Variants in MED27 observed in about 807,000 individuals in gnomAD.
MED27 encodes the protein mediator of RNA polymerase II transcription subunit 27.
A neutral mutation model predicts 38.2 loss-of-function variants in MED27; 30 were observed. That is an observed-to-expected ratio of 0.79 (90% CI 0.59 to 1.07). MED27 has a LOEUF of 1.07. Among genes scored for constraint, MED27 ranks in the 50% least tolerant of loss-of-function variants. MED27 has a pLI of 0.00. For missense variants in MED27, 289 were observed against 397.5 expected (o/e 0.73, Z 2.32); for synonymous variants, 122 against 153.5 (o/e 0.79, Z 1.52).
At chr9:132,022,492 AC>A (rs1832738034) in intron 2 of MED27, among the ~76,000 whole-genome samples, 1 of 152,222 alleles carries the variant, frequency 6.6e-6, no homozygotes, top group Non-Finnish European at 1.5e-5. Context: ...AGGTCCTAAC[AC>A]TGAAATCCTG....
chr9:131,933,795 A>G lies in MED27; in HGVS notation c.573+5586T>C, dbSNP rs1333985174. On this transcript the variant is annotated intron_variant, in intron 4 of 7. Transcript: ENST00000292035. ...TAGAAAAAAAAATCCTAAAATTTAT[A>G]TGGAACCACAAAAGATCCAGAATAG... Among the ~76,000 whole-genome samples the G allele has an allele frequency of 3.9e-5, 6 of 152,200 alleles. No homozygotes were observed. The East Asian group carries it at 1.2e-3, about 29-fold the overall frequency.
chr9:131,896,197 G>A (rs1321228350), intron 4 of MED27, among the ~76,000 whole-genome samples: 7 of 152,116 alleles, frequency 4.6e-5, no homozygotes, highest in East Asian at 3.9e-4. Context: ...CACCACGCCC[G>A]GCCAAGTTAT....
intron 3 of MED27, among the ~76,000 whole-genome samples, chr9:131,942,072 A>G (rs1043316501): frequency 6.6e-6 from 1 of 151,944 alleles, no homozygotes; most frequent in Non-Finnish European, 1.5e-5. Context: ...TGATCTGCCC[A>G]CCTTGGCTTC....
intron 2 of MED27, among the ~76,000 whole-genome samples, chr9:132,027,787 A>G (rs930467469): frequency 4.6e-5 from 7 of 152,234 alleles, no homozygotes; most frequent in Non-Finnish European, 4.4e-5. Flanking sequence ...ACCCTGCTGG[A>G]GAAATTAATG....
chr9:132,026,313 T>G (rs1832817526), intron 2 of MED27, among the ~76,000 whole-genome samples: 1 of 152,186 alleles, frequency 6.6e-6, no homozygotes, highest in Non-Finnish European at 1.5e-5. Flanking sequence ...CATGTGTCCT[T>G]TTGGTCCTCA....
chr9:131,886,881 G>T (rs546841558), intron 5 of MED27, among the ~76,000 whole-genome samples: 367 of 152,280 alleles, frequency 2.4e-3, no homozygotes, highest in African/African-American at 8.2e-3. Context: ...CTTTTGCATC[G>T]TTTAGTTGTA....
chr9:131,917,249 C>G lies in MED27; in HGVS notation c.573+22132G>C, dbSNP rs1830308309. ...GAAATTGTTCCATCCAAACTGCCAA[C>G]AGTGCCTCCACTGAGAAACATTAGA... On this transcript the variant is annotated intron_variant, in intron 4 of 7. Coordinates refer to ENST00000292035, the MANE Select transcript of MED27 (RefSeq NM_004269.4). This position sits in a 1 kb window ranked among gnomAD's most constrained non-coding sequence, Gnocchi z 4.6. 6.6e-6 allele frequency among the ~76,000 whole-genome samples: 1 copy of G among 152,132 alleles called. No individual in the cohort carries two copies. The highest frequency in any genetic ancestry group is 2.4e-5 in the African/African-American group (1 of 41,424).
rs890478024 is a variant in MED27, at chr9:131,899,503, G to A, written c.574-5511C>T. 1.5e-4 allele frequency among the ~76,000 whole-genome samples: 23 copies of A among 152,158 alleles called. 1 individual carries two copies. Among genetic ancestry groups the A allele is most frequent in the African/African-American group, 5.6e-4 (23 of 41,418 alleles). Reference sequence around the variant, plus strand: ...CCACTTGCAGGCAGTGTGACCCAGGGCAACTCAGACAACCTCTGGTGCCTG... The same window carrying A: ...CCACTTGCAGGCAGTGTGACCCAGGACAACTCAGACAACCTCTGGTGCCTG... On this transcript the variant is annotated intron_variant, in intron 4 of 7. Transcript: ENST00000292035.
At chr9:132,070,285 G>A (rs1833907183) in intron 2 of MED27, among the ~76,000 whole-genome samples, 2 of 152,238 alleles carry the variant, frequency 1.3e-5, no homozygotes, top group African/African-American at 4.8e-5. Flanking sequence ...GCCGAGCATG[G>A]TGGCTCATGC....
At chr9:131,948,435 C>T (rs1170952285) in intron 3 of MED27, among the ~76,000 whole-genome samples, 3 of 149,346 alleles carry the variant, frequency 2.0e-5, no homozygotes, top group African/African-American at 4.9e-5. Context: ...TGCAGGGAGC[C>T]AAGATTATGC....
intron 3 of MED27, among the ~76,000 whole-genome samples, chr9:131,996,181 C>T (rs932390881): frequency 3.5e-4 from 54 of 152,192 alleles, no homozygotes; most frequent in Admixed American, 7.8e-4. Flanking sequence ...TGGTTCTGCT[C>T]GTAAGAAGCA....
intron 3 of MED27, among the ~76,000 whole-genome samples, chr9:131,952,178 C>T (rs997723458): frequency 9.2e-5 from 14 of 152,220 alleles, no homozygotes; most frequent in South Asian, 2.1e-4. Context: ...CAATACTAGG[C>T]ACTGGCCGGA....
At position 131,872,108 on chromosome 9, in the gene MED27, C is replaced by T. The variant is rs1015518957; in HGVS notation, c.724-8968G>A. ...ACGCTGGAGGCTGACTGCTGGGAAC[C>T]GCCTTCCAGCTCCTGGCTGGTGGAC... is the stretch of plus-strand genomic sequence containing the variant. On this transcript the variant is annotated intron_variant, in intron 6 of 7. Coordinates refer to ENST00000292035, the MANE Select transcript of MED27 (RefSeq NM_004269.4). This position sits in a 1 kb window ranked among gnomAD's most constrained non-coding sequence, Gnocchi z 5.6. Among the ~76,000 whole-genome samples, 1 of 152,214 alleles carries T rather than the reference C, an allele frequency of 6.6e-6. No homozygotes were observed. The highest frequency in any genetic ancestry group is 1.5e-5 in the Non-Finnish European group (1 of 68,042).
chr9:132,036,838 C>T (rs1426484416), intron 2 of MED27, among the ~76,000 whole-genome samples: 3 of 152,054 alleles, frequency 2.0e-5, no homozygotes, highest in Non-Finnish European at 4.4e-5. Context: ...ACCCCCTACA[C>T]TAAAAATGAA....
intron 3 of MED27, among the ~76,000 whole-genome samples, chr9:131,983,579 A>T (rs1301014997): frequency 6.6e-6 from 1 of 152,248 alleles, no homozygotes; most frequent in Non-Finnish European, 1.5e-5. Context: ...ATCATTAACA[A>T]TGAATATTTT....
At chr9:131,951,179 G>A (rs1830989108) in intron 3 of MED27, among the ~76,000 whole-genome samples, 1 of 152,200 alleles carries the variant, frequency 6.6e-6, no homozygotes, top group Non-Finnish European at 1.5e-5. Flanking sequence ...TTGCTTTCGG[G>A]TGTCTACTGA....
intron 2 of MED27, among the ~76,000 whole-genome samples, chr9:132,039,975 G>A (rs1277331541): frequency 6.6e-6 from 1 of 152,172 alleles, no homozygotes; most frequent in Admixed American, 6.5e-5. Context: ...GACCATAGAA[G>A]GGTGAAAAGT....
chr9:131,914,467 G>A (rs1238374168), intron 4 of MED27, among the ~76,000 whole-genome samples: 2 of 152,216 alleles, frequency 1.3e-5, no homozygotes, highest in African/African-American at 4.8e-5. Flanking sequence ...TATCATGAAT[G>A]GTTATTGGGC....
At chr9:131,996,711 G>C (rs1029583521) in intron 3 of MED27, among the ~76,000 whole-genome samples, 8 of 152,104 alleles carry the variant, frequency 5.3e-5, no homozygotes, top group African/African-American at 1.7e-4. Flanking sequence ...CTTAAATATT[G>C]AGATTTTCTT....
Sources: allele counts gnomAD v4.1 joint callset (sites outside exome capture counted in the v4.1 genomes callset), GRCh38; gene constraint gnomAD v4.1.1; non-coding constraint Gnocchi (gnomAD v3.1); transcripts MANE v1.5; gene names NCBI Gene and HGNC (gene_info 2026-07-23, HGNC 2026-07-21).